FMNL2: variants seen among roughly 807,000 people sequenced by gnomAD.
FMNL2 encodes formin-like protein 2.
FMNL2 carries 51 observed loss-of-function variants against 130.2 expected under a neutral mutation model. That is an observed-to-expected ratio of 0.39 (90% CI 0.31 to 0.49). The LOEUF is 0.49. Among genes scored for constraint, FMNL2 ranks in the 20% least tolerant of loss-of-function variants. The pLI, the probability that FMNL2 is intolerant of heterozygous loss-of-function variation, is 0.85. For synonymous variants in FMNL2, 465 were observed against 467.1 expected, an observed-to-expected ratio of 1.00 and a Z score of 0.06; for missense variants, 977 against 1,316.2, an observed-to-expected ratio of 0.74 and a Z score of 3.99.
chr2:152,516,666 T>C (rs796727513), intron 1 of FMNL2, among the ~76,000 whole-genome samples: 2 of 152,148 alleles, frequency 1.3e-5, no homozygotes, highest in Non-Finnish European at 2.9e-5. Context: ...AATATTTGGG[T>C]AAAAGAAGGA....
chr2:152,369,876 C>T (rs146246062), intron 1 of FMNL2, among the ~76,000 whole-genome samples: 127 of 152,130 alleles, frequency 8.3e-4, no homozygotes, highest in African/African-American at 2.9e-3. Flanking sequence ...TATGCATTTC[C>T]TTGGGTCTTT....
chr2:152,550,103 T>TC (rs546937512), intron 4 of FMNL2, among the ~76,000 whole-genome samples: 6 of 152,216 alleles, frequency 3.9e-5, no homozygotes, highest in African/African-American at 9.6e-5. Context: ...TAAAACCTTT[T>TC]CCCCCCCTCA....
At chr2:152,629,177 G>T (rs1681999810) in intron 18 of FMNL2, among the ~76,000 whole-genome samples, 1 of 152,118 alleles carries the variant, frequency 6.6e-6, no homozygotes, top group African/African-American at 2.4e-5. Flanking sequence ...AGATAAATTT[G>T]TTGGTTTCTG....
intron 1 of FMNL2, among the ~76,000 whole-genome samples, chr2:152,345,104 T>G (rs567162414): frequency 1.3e-5 from 2 of 152,346 alleles, no homozygotes; most frequent in East Asian, 3.9e-4. Context: ...TAGTAGCAAT[T>G]ATTGTTTCAT....
intron 1 of FMNL2, among the ~76,000 whole-genome samples, chr2:152,379,702 T>A (rs1376174464): frequency 6.6e-6 from 1 of 152,240 alleles, no homozygotes; most frequent in East Asian, 1.9e-4. Flanking sequence ...TGTTCCCAGG[T>A]TGGGTGGGTG....
intron 1 of FMNL2, among the ~76,000 whole-genome samples, chr2:152,366,292 G>GA (rs1560302489): frequency 9.0e-6 from 1 of 111,282 alleles, no homozygotes; most frequent in East Asian, 3.4e-4. Context: ...CTGTTGTGGG[G>GA]TGGGGGGAGG....
At chr2:152,394,437 G>T (rs996399535) in intron 1 of FMNL2, among the ~76,000 whole-genome samples, 2 of 152,048 alleles carry the variant, frequency 1.3e-5, no homozygotes, top group African/African-American at 4.8e-5. Flanking sequence ...TTTACAGCAT[G>T]ATAATTTTCC....
intron 1 of FMNL2, among the ~76,000 whole-genome samples, chr2:152,517,381 C>T (rs7575177): frequency 0.22 from 33,636 of 152,072 alleles, 4,070 homozygotes; most frequent in Middle Eastern, 0.3. Context: ...CTACCGTTTG[C>T]CATACTGTGC....
chr2:152,583,016 A>G (rs1580011875), intron 9 of FMNL2, among the ~76,000 whole-genome samples: 1 of 152,354 alleles, frequency 6.6e-6, no homozygotes, highest in African/African-American at 2.4e-5. Flanking sequence ...TCTTATGCAT[A>G]GTAGGCCCAC....
chr2:152,590,455 T>G (rs1376942921), intron 9 of FMNL2, among the ~76,000 whole-genome samples: 1 of 151,952 alleles, frequency 6.6e-6, no homozygotes, highest in African/African-American at 2.4e-5. Context: ...CTGTCTCTAC[T>G]AAAAATACAA....
At position 152,480,417 on chromosome 2, in the gene FMNL2, G is replaced by A. The variant is rs112631678; in HGVS notation, c.118-41526G>A. On this transcript the variant is annotated intron_variant, in intron 1 of 25. Transcript: ENST00000288670. ...AGGCCGAGGCGGATGGATCACCTGC[G>A]GTCGGAGTCCAGAACCAGCCTGGCC... Among the ~76,000 whole-genome samples, 1,195 of 151,996 alleles carry A rather than the reference G, an allele frequency of 7.9e-3. 10 individuals carry two copies. Among genetic ancestry groups the A allele is most frequent in the African/African-American group, 0.024 (992 of 41,462 alleles).
chr2:152,447,358 T>C (rs922787291), intron 1 of FMNL2, among the ~76,000 whole-genome samples: 2 of 152,178 alleles, frequency 1.3e-5, no homozygotes, highest in African/African-American at 4.8e-5. Context: ...CCACCTTGGC[T>C]TCCCAAAGTT....
At chr2:152,448,935 T>C (rs969026870) in intron 1 of FMNL2, among the ~76,000 whole-genome samples, 2 of 152,230 alleles carry the variant, frequency 1.3e-5, no homozygotes, top group Non-Finnish European at 2.9e-5. Context: ...TTTTAAGCCA[T>C]GCACTTTGTG....
intron 9 of FMNL2, among the ~76,000 whole-genome samples, chr2:152,589,940 C>CATATATATATATATATATAT (rs771625998): frequency 1.5e-5 from 1 of 67,036 alleles, no homozygotes; most frequent in Non-Finnish European, 2.8e-5. Flanking sequence ...TGGCTTTATA[C>CATATATATATATATATATAT]ATATATATAT....
At chr2:152,621,521 G>A (rs1272732908) in intron 15 of FMNL2, among the ~76,000 whole-genome samples, 4 of 152,128 alleles carry the variant, frequency 2.6e-5, no homozygotes, top group Non-Finnish European at 5.9e-5. Context: ...GCTATACTTG[G>A]AAGTGGTCCC....
intron 5 of FMNL2, 117 bp from the exon 6 acceptor site, chr2:152,560,766 C>T (rs1695476094): frequency 3.2e-6 from 3 of 926,152 alleles, no homozygotes; most frequent in South Asian, 2.7e-5. Flanking sequence ...TCTTTGTTTA[C>T]AAAGACTTTC....
intron 1 of FMNL2, among the ~76,000 whole-genome samples, chr2:152,349,188 T>C (rs1579447182): frequency 6.6e-6 from 1 of 152,200 alleles, no homozygotes; most frequent in African/African-American, 2.4e-5. Flanking sequence ...CTGGATGGCT[T>C]GAAGTTATAT....
chr2:152,392,427 T>TA (rs1270770831), intron 1 of FMNL2, among the ~76,000 whole-genome samples: 5 of 152,184 alleles, frequency 3.3e-5, no homozygotes, highest in African/African-American at 1.2e-4. Context: ...TTCTGTGCTG[T>TA]AATGACAGAA....
chr2:152,625,552 G>T lies in FMNL2; in HGVS notation c.1952G>T (p.Arg651Leu), dbSNP rs770034141. 1.9e-6 allele frequency: 3 copies of T among 1,603,002 alleles called. No individual in the cohort carries two copies. Among genetic ancestry groups the T allele is most frequent in the Non-Finnish European group, 2.6e-6 (3 of 1,170,882 alleles). The change falls in exon 16 of 26, where the codon CGA becomes CTA. Residue 651 changes from arginine (R) to leucine (L), a missense_variant. By Grantham distance (102) the Arg-to-Leu change is moderately radical. Coordinates refer to ENST00000288670, the MANE Select transcript of FMNL2 (RefSeq NM_052905.4). ...GTVFNEIDDERILEDLNVDEF... is the reference protein window; with the variant it reads ...GTVFNEIDDELILEDLNVDEF... ...GTCTTCAATGAAATTGATGATGAGC[G>T]AATTCTGGAGGTATTTTTCTCATTG...
Sources: allele counts gnomAD v4.1 joint callset (sites outside exome capture counted in the v4.1 genomes callset), GRCh38; gene constraint gnomAD v4.1.1; transcripts MANE v1.5; gene names NCBI Gene and HGNC (gene_info 2026-07-23, HGNC 2026-07-21).